Variants in N4BP2L2 observed in about 807,000 individuals in gnomAD.
N4BP2L2 encodes the protein NEDD4 binding protein 2 like 2.
Under a neutral mutation model 56.2 loss-of-function variants are expected in N4BP2L2, and 50 were observed. The observed-to-expected ratio is 0.89, with a 90% CI of 0.71 to 1.13. The LOEUF (loss-of-function observed/expected upper bound fraction) is 1.13. Among genes scored for constraint, N4BP2L2 ranks in the 50% most tolerant of loss-of-function variants. The pLI is 0.00. For missense variants in N4BP2L2, 689 were observed against 693.8 expected (o/e 0.99, Z 0.08); for synonymous variants, 203 against 223.6 (o/e 0.91, Z 0.82).
At chr13:32,457,026 C>G (rs1401995833) in intron 6 of N4BP2L2, among the ~76,000 whole-genome samples, 2 of 152,086 alleles carry the variant, frequency 1.3e-5, no homozygotes, top group Admixed American at 6.6e-5. Flanking sequence ...GTAGTCCCAG[C>G]TACTTGGGAG....
intron 2 of N4BP2L2, among the ~76,000 whole-genome samples, chr13:32,529,089 T>A (rs971515735): frequency 6.6e-6 from 1 of 152,218 alleles, no homozygotes; most frequent in African/African-American, 2.4e-5. Flanking sequence ...AGGAAAAAAG[T>A]CTGTACATTT....
chr13:32,500,699 C>G (rs552325876), intron 6 of N4BP2L2, among the ~76,000 whole-genome samples: 50 of 150,012 alleles, frequency 3.3e-4, no homozygotes, highest in Non-Finnish European at 6.1e-4. Context: ...GCCTGGGTGA[C>G]AGACGGAAAC....
At chr13:32,515,841 G>A (rs997159998) in exon 6 of N4BP2L2, 2 of 151,992 alleles carry the variant, frequency 1.3e-5, no homozygotes, top group East Asian at 1.9e-4. Flanking sequence ...AGGTTCAAGC[G>A]ATTCTCCCCC....
intron 6 of N4BP2L2, among the ~76,000 whole-genome samples, chr13:32,461,926 CA>C (rs1208470917): frequency 6.6e-6 from 1 of 151,782 alleles, no homozygotes; most frequent in East Asian, 1.9e-4. Context: ...ATTAAAAAGA[CA>C]AAAAAATAAA....
At chr13:32,499,564 A>G (rs182522426) in intron 6 of N4BP2L2, among the ~76,000 whole-genome samples, 3 of 152,318 alleles carry the variant, frequency 2.0e-5, no homozygotes, top group African/African-American at 7.2e-5. Context: ...TTCTGGGCCT[A>G]TTCAAAGTCA....
chr13:32,462,190 C>T (rs1454181384), intron 6 of N4BP2L2, among the ~76,000 whole-genome samples: 1 of 152,112 alleles, frequency 6.6e-6, no homozygotes, highest in East Asian at 1.9e-4. Flanking sequence ...TGGAATCAAC[C>T]TAAGTGTACA....
At chr13:32,518,116 A>C in intron 5 of N4BP2L2, 113 bp from the exon 6 acceptor site, 1 of 976,302 alleles carries the variant, frequency 1.0e-6, no homozygotes, top group Middle Eastern at 3.3e-4. Context: ...TAAATAAACA[A>C]TATATATTTC....
At chr13:32,433,931 C>CAAAAAAAAAAAAAAAAAA (rs60540916) in intron 9 of N4BP2L2, among the ~76,000 whole-genome samples, 1 of 86,116 alleles carries the variant, frequency 1.2e-5, no homozygotes, top group Non-Finnish European at 2.2e-5. Context: ...GACCGTGTCT[C>CAAAAAAAAAAAAAAAAAA]AAAAAAAAAA....
chr13:32,443,904 T>C, exon 7 of N4BP2L2: 3 of 1,573,798 alleles, frequency 1.9e-6, no homozygotes, highest in Admixed American at 1.9e-5. Context: ...CTTCATTTTG[T>C]AGACCATCAA....
intron 6 of N4BP2L2, among the ~76,000 whole-genome samples, chr13:32,492,628 C>G (rs2139371026): frequency 6.6e-6 from 1 of 152,208 alleles, no homozygotes; most frequent in African/African-American, 2.4e-5. Context: ...ACTATTAAGA[C>G]AGCCCGATTT....
At chr13:32,521,052 T>C (rs1237041012) in intron 5 of N4BP2L2, among the ~76,000 whole-genome samples, 1 of 152,214 alleles carries the variant, frequency 6.6e-6, no homozygotes, top group Non-Finnish European at 1.5e-5. Flanking sequence ...CTTTCAAAAA[T>C]TGCTAAAACC....
chr13:32,506,710 G>T (rs2091009519), downstream of N4BP2L2: 1 of 152,170 alleles, frequency 6.6e-6, no homozygotes, highest in South Asian at 2.1e-4. Context: ...GAATTTTTTA[G>T]CAAGAGGGAA....
intron 6 of N4BP2L2, among the ~76,000 whole-genome samples, chr13:32,469,500 G>A (rs974467909): frequency 2.0e-5 from 3 of 152,198 alleles, no homozygotes; most frequent in Non-Finnish European, 2.9e-5. Flanking sequence ...GAAGAACCTT[G>A]GTTGCAGGCT....
chr13:32,437,950 C>T lies in N4BP2L2; in HGVS notation c.2190+702G>A, dbSNP rs568226337. Among the ~76,000 whole-genome samples the T allele has an allele frequency of 1.1e-3, 170 of 152,268 alleles. 1 individual carries two copies. Among genetic ancestry groups the T allele is most frequent in the South Asian group, 7.5e-3 (36 of 4,824 alleles). ...TTCTAATTTAAGGTATGTAGCACTTCTCTCAAGTTTGATAAATTTTATTTT... is the reference window on the plus strand; with the variant it reads ...TTCTAATTTAAGGTATGTAGCACTTTTCTCAAGTTTGATAAATTTTATTTT... On this transcript the variant is annotated intron_variant, in intron 8 of 9. Transcript: ENST00000357505.
chr13:32,529,679 G>A (rs1370501918), intron 2 of N4BP2L2, among the ~76,000 whole-genome samples: 3 of 146,098 alleles, frequency 2.1e-5, no homozygotes, highest in Non-Finnish European at 3.0e-5. Flanking sequence ...GTTTCGTTTT[G>A]TTTTGTTTTT....
intron 5 of N4BP2L2, 39 bp from the exon 6 acceptor site, chr13:32,518,042 A>G (rs767136553): frequency 7.5e-6 from 12 of 1,594,982 alleles, no homozygotes; most frequent in Non-Finnish European, 1.0e-5. Flanking sequence ...TTTGTTGCAG[A>G]ATGTACAGGC....
chr13:32,466,157 G>C (rs1300888121), intron 6 of N4BP2L2, among the ~76,000 whole-genome samples: 1 of 152,118 alleles, frequency 6.6e-6, no homozygotes, highest in Admixed American at 6.5e-5. Context: ...TCCATCAATA[G>C]ATCGAATAAG....
chr13:32,473,593 A>T (rs1758479445), intron 6 of N4BP2L2, among the ~76,000 whole-genome samples: 1 of 152,226 alleles, frequency 6.6e-6, no homozygotes, highest in Non-Finnish European at 1.5e-5. Context: ...GTCTTACTGG[A>T]TTAAAATCGA....
At chr13:32,503,034 G>A (rs1365796510) in intron 6 of N4BP2L2, among the ~76,000 whole-genome samples, 4 of 151,656 alleles carry the variant, frequency 2.6e-5, no homozygotes, top group Admixed American at 6.6e-5. Flanking sequence ...TTAGTCGGGC[G>A]TGGTGGTAGG....
Sources: allele counts gnomAD v4.1 joint callset (sites outside exome capture counted in the v4.1 genomes callset), GRCh38; gene constraint gnomAD v4.1.1; transcripts MANE v1.5; gene names NCBI Gene and HGNC (gene_info 2026-07-23, HGNC 2026-07-21).